GMPR2: variants seen among roughly 807,000 people sequenced by gnomAD.
GMPR2 encodes the protein GMP reductase 2.
Under a neutral mutation model 38.5 loss-of-function variants are expected in GMPR2, and 32 were observed. The ratio of observed to expected loss-of-function variants is 0.83; its 90% confidence interval spans 0.63 to 1.12. The LOEUF (loss-of-function observed/expected upper bound fraction) is 1.12, where lower values mean the gene tolerates loss of function less well. GMPR2 is among the 50% of genes most tolerant of loss of function. The pLI is 0.00. For synonymous variants in GMPR2, 154 were observed against 151.0 expected, an observed-to-expected ratio of 1.02 and a Z score of -0.15; for missense variants, 396 against 432.1, an observed-to-expected ratio of 0.92 and a Z score of 0.74.
rs1239050384 is a variant in GMPR2 at position 24,235,655 on chromosome 14, C to T, written c.208-82C>T. On this transcript the variant is annotated intron_variant, in intron 3 of 9. Coordinates refer to ENST00000399440, the MANE Select transcript of GMPR2 (RefSeq NM_001002002.3). Reference sequence around the variant, plus strand: ...CTCCCCAACTTCAATCATGTCCTCCCTCAGATAGAATAGGTCTGTTTCTAG... The same window carrying T: ...CTCCCCAACTTCAATCATGTCCTCCTTCAGATAGAATAGGTCTGTTTCTAG... 6.4e-6 allele frequency: 6 copies of T among 942,190 alleles called. No homozygotes were observed. In the Admixed American group the frequency reaches 1.0e-4, roughly 16 times the overall value. The allele number at this position is 942,190 out of a possible 1,614,324, so 58.4% of individuals were successfully genotyped here.
Position 24,238,926 on chromosome 14 carries a change from ACTT to A in GMPR2, c.*151_*153del, listed in dbSNP as rs1444242768. The A allele has an allele frequency of 2.8e-6, 2 of 725,842 alleles. No individual in the cohort carries two copies. The highest frequency in any genetic ancestry group is 4.9e-6 in the Non-Finnish European group (2 of 408,496). 45.0% of individuals were successfully genotyped at this position (725,842 alleles called of 1,614,324 possible). ...CTGAGGGCTCCTGCAGTAACTCTGT[ACTT>A]CTCTATCTGCACACACAAAATGCCC... On this transcript the variant is annotated 3_prime_UTR_variant, in exon 10 of 10. Coordinates refer to ENST00000399440, the MANE Select transcript of GMPR2 (RefSeq NM_001002002.3).
intron 3 of GMPR2, among the ~76,000 whole-genome samples, chr14:24,234,502 G>A (rs187368256): frequency 4.6e-5 from 7 of 152,200 alleles, no homozygotes. Flanking sequence ...CTGTCCATCT[G>A]CCCTGACCAG....
chr14:24,233,220 C>T lies in GMPR2; in HGVS notation c.-34C>T. 2 of 1,613,580 alleles carry T rather than the reference C, an allele frequency of 1.2e-6. No individual in the cohort carries two copies. Among genetic ancestry groups the T allele is most frequent in the South Asian group, 2.2e-5 (2 of 91,048 alleles). ...TCCTTATGACTTCCTGCCTTCCAGC[C>T]CTCAGATTCATCGCTACCCCGAGGC... On this transcript the variant is annotated splice_region_variant and 5_prime_UTR_variant, in exon 2 of 10. Coordinates refer to ENST00000399440, the MANE Select transcript of GMPR2 (RefSeq NM_001002002.3).
intron 8 of GMPR2, chr14:24,237,813 C>G (rs2040419180): frequency 3.6e-6 from 2 of 551,500 alleles, no homozygotes; most frequent in Non-Finnish European, 6.4e-6. Flanking sequence ...CCCAGCCATA[C>G]CTAAAAATAG....
intron 3 of GMPR2, 24 bp downstream of exon 3, chr14:24,233,622 C>A (rs746639469): frequency 5.0e-6 from 8 of 1,613,694 alleles, no homozygotes; most frequent in Non-Finnish European, 6.8e-6. Context: ...CATGCCCCAT[C>A]CCTATTGGTG....
At chr14:24,235,613 GTTCT>G in intron 3 of GMPR2, 120 bp from the exon 4 acceptor site, 1 of 728,678 alleles carries the variant, frequency 1.4e-6, no homozygotes, top group Non-Finnish European at 2.5e-6. Context: ...CTCAACCTGA[GTTCT>G]TTGACTTGTT....
Position 24,232,955 on chromosome 14 carries a change from G to T in GMPR2, c.-58G>T, listed in dbSNP as rs1409777544. 6 of 539,620 alleles carry T rather than the reference G, an allele frequency of 1.1e-5. No individual in the cohort carries two copies. The highest frequency in any genetic ancestry group is 2.0e-5 in the Non-Finnish European group (6 of 299,720). 33.4% of individuals were successfully genotyped at this position (539,620 alleles called of 1,614,324 possible). A position where few individuals can be genotyped will look rare whatever the true frequency, so the allele number is the denominator to read the frequency against. ...TCTTGCCCCATTGCTCTTTGCAGGG[G>T]TAGAAGAAGGAAGTGTAGCGGGGTA... On this transcript the variant is annotated 5_prime_UTR_variant, in exon 1 of 10. Coordinates refer to ENST00000399440, the MANE Select transcript of GMPR2 (RefSeq NM_001002002.3).
At position 24,234,097 on chromosome 14, in the gene GMPR2, CTTCTTT is replaced by C. The variant is rs780612382; in HGVS notation, c.207+500_207+505del. 3.7e-4 allele frequency: 471 copies of C among 1,288,444 alleles called. 1 individual carries two copies. Among genetic ancestry groups the C allele is most frequent in the Non-Finnish European group, 4.5e-4 (448 of 987,796 alleles). The allele number at this position is 1,288,444 out of a possible 1,614,324, so 79.8% of individuals were successfully genotyped here. A position where few individuals can be genotyped will look rare whatever the true frequency, so the allele number is the denominator to read the frequency against. On this transcript the variant is annotated intron_variant, in intron 3 of 9. Coordinates refer to ENST00000399440, the MANE Select transcript of GMPR2 (RefSeq NM_001002002.3). ...CTGCCATTCTTTTTTTAATCTTCCT[CTTCTTT>C]AAGTCCTAGGTTCCTGGGAGTTTCT...
At chr14:24,233,101 G>C in intron 1 of GMPR2, 118 bp from the exon 2 acceptor site, 1 of 1,335,554 alleles carries the variant, frequency 7.5e-7, no homozygotes, top group Non-Finnish European at 1.1e-6. Flanking sequence ...ACAGGCTTCA[G>C]GGACCACACT....
rs373619351 is a variant in GMPR2 at position 24,237,366 on chromosome 14, C to T, written c.654+15C>T. On this transcript the variant is annotated intron_variant, in intron 7 of 9. Transcript: ENST00000399440. ...ACATCATTTCAGTAAGGCTCAAGGG[C>T]AGGGTAGGGTATGAGCGGGGTTTCT... The T allele has an allele frequency of 2.6e-6, 4 of 1,546,188 alleles. No homozygotes were observed. The South Asian group carries it at 3.3e-5, about 13-fold the overall frequency.
intron 5 of GMPR2, chr14:24,236,860 C>T (rs903655776): frequency 1.1e-5 from 6 of 523,650 alleles, no homozygotes; most frequent in Non-Finnish European, 2.1e-5. Flanking sequence ...TGGCCACTCA[C>T]TCCTACCTTG....
intron 8 of GMPR2, 161 bp downstream of exon 8, chr14:24,237,723 A>AG (rs2040415663): frequency 4.4e-6 from 3 of 679,698 alleles, no homozygotes; most frequent in Admixed American, 2.6e-5. Flanking sequence ...GGCAGCCAGC[A>AG]GGGGACATCT....
In GMPR2 at chr14:24,235,979, A is replaced by G; in HGVS notation, c.304A>G (p.Ser102Gly). The G allele has an allele frequency of 6.2e-7, 1 of 1,614,086 alleles. No homozygotes were observed. The highest frequency in any genetic ancestry group is 8.5e-7 in the Non-Finnish European group (1 of 1,179,950). Residue 102 changes from serine (S) to glycine (G), a missense_variant, in exon 5 of 10, where the codon AGC (serine) becomes GGC (glycine). Transcript: ENST00000399440. ...GTTTCTCCCACAGCATCTGGCTGCC[A>G]GCTCAGGCACAGGCTCTTCTGACTT... is the stretch of plus-strand genomic sequence containing the variant. Reference protein sequence around the residue: ...NPDCLEHLAASSGTGSSDFEQ... With the variant: ...NPDCLEHLAAGSGTGSSDFEQ...
rs187865023 is a variant in GMPR2, at chr14:24,233,422, T to C, written c.88-57T>C. 4.5e-5 allele frequency: 73 copies of C among 1,609,306 alleles called. No individual in the cohort carries two copies. In the East Asian group the frequency reaches 1.4e-3, roughly 31 times the overall value. The stretch of plus-strand genomic sequence containing the variant: ...CCAAGAAAGATGCCTGTCCTTGTCC[T>C]AATATGGTACGTTTTTTGGATTAAT... On this transcript the variant is annotated intron_variant, in intron 2 of 9. Transcript: ENST00000399440.
Position 24,233,594 on chromosome 14 carries a change from G to GT in GMPR2, c.204dup (p.Lys69Ter). 6.2e-7 allele frequency: 1 copy of GT among 1,614,178 alleles called. No individual in the cohort carries two copies. Among genetic ancestry groups the GT allele is most frequent in the Non-Finnish European group, 8.5e-7 (1 of 1,180,022 alleles). On this transcript the variant is annotated frameshift_variant, in exon 3 of 10. Coordinates refer to ENST00000399440, the MANE Select transcript of GMPR2 (RefSeq NM_001002002.3). LOFTEE classifies it high-confidence loss of function. ...ACCTTTGAGATGGCCAAGGTTCTCT[G>GT]TAAGGTAGGGCTTTCCTCATGCCCC... is the stretch of plus-strand genomic sequence containing the variant.
intron 5 of GMPR2, 147 bp from the exon 6 acceptor site, chr14:24,236,924 A>G: frequency 1.6e-6 from 1 of 644,468 alleles, no homozygotes; most frequent in Non-Finnish European, 2.7e-6. Context: ...TGGCTAGTGT[A>G]AAAGCCCTCA....
chr14:24,238,284 G>A lies in GMPR2; in HGVS notation c.736G>A (p.Ala246Thr), dbSNP rs1411233070. Residue 246 changes from alanine (A) to threonine (T), a missense_variant, in exon 9 of 10, where the codon GCT becomes ACT. By Grantham distance (58) the Ala-to-Thr change is moderately conservative. Coordinates refer to ENST00000399440, the MANE Select transcript of GMPR2 (RefSeq NM_001002002.3). ...CTTCGTGATGCTGGGTGGCATGCTG[G>A]CTGGGCACAGTGAGTCAGGTGGTGA... Reference protein sequence around the residue: ...ADFVMLGGMLAGHSESGGELI... With the variant: ...ADFVMLGGMLTGHSESGGELI... 1 of 1,613,754 alleles carries A rather than the reference G, an allele frequency of 6.2e-7. No homozygotes were observed. The highest frequency in any genetic ancestry group is 8.5e-7 in the Non-Finnish European group (1 of 1,179,872).
At chr14:24,235,477 G>A in intron 3 of GMPR2, 2 of 508,788 alleles carry the variant, frequency 3.9e-6, no homozygotes, top group South Asian at 5.3e-5. Context: ...AGCAGTGAAT[G>A]TGCTGGCAGA....
intron 3 of GMPR2, chr14:24,234,051 T>C (rs2040215255): frequency 8.1e-7 from 1 of 1,227,110 alleles, no homozygotes; most frequent in Non-Finnish European, 1.1e-6. Flanking sequence ...ATAAGAACAA[T>C]TCATTAATAA....
Sources: gnomAD v4.1 joint callset for allele counts (sites outside exome capture counted in the v4.1 genomes callset) on GRCh38, gnomAD v4.1.1 for gene constraint, MANE v1.5 for transcripts, NCBI Gene and HGNC (gene_info 2026-07-23, HGNC 2026-07-21) for gene names.